Variants in ZMYM2 observed in about 807,000 individuals in gnomAD.
The protein encoded by ZMYM2 is zinc finger MYM-type containing 2.
A neutral mutation model predicts 162.8 loss-of-function variants in ZMYM2; 56 were observed. The ratio of observed to expected loss-of-function variants is 0.34; its 90% CI spans 0.28 to 0.43. The LOEUF (loss-of-function observed/expected upper bound fraction) is 0.43, where lower values mean the gene tolerates loss of function less well. ZMYM2 is among the 20% of genes least tolerant of loss of function. The pLI is 1.00. For missense variants in ZMYM2, 1,275 were observed against 1,621.8 expected, an observed-to-expected ratio of 0.79 and a Z score of 3.67; for synonymous variants, 510 against 541.6, an observed-to-expected ratio of 0.94 and a Z score of 0.81.
chr13:19,932,657 AG>A, the ZMYM2 span, among the ~76,000 whole-genome samples: 1 of 151,944 alleles, frequency 6.6e-6, no homozygotes, highest in Non-Finnish European at 1.5e-5. Flanking sequence ...AAAAAAAAAA[AG>A]AATAGACACC....
intron 12 of ZMYM2, among the ~76,000 whole-genome samples, chr13:20,044,879 G>A (rs572037189): frequency 1.3e-5 from 2 of 151,548 alleles, no homozygotes; most frequent in Non-Finnish European, 2.9e-5. Context: ...GTAAAACCCC[G>A]TCTCTACTAA....
the ZMYM2 span, among the ~76,000 whole-genome samples, chr13:19,876,558 AG>A: frequency 6.6e-6 from 1 of 150,462 alleles, no homozygotes; most frequent in Admixed American, 6.6e-5. Flanking sequence ...CCTGACCTCA[AG>A]TGATCTGCCT....
At chr13:19,901,683 G>C in the ZMYM2 span, among the ~76,000 whole-genome samples, 9 of 152,168 alleles carry the variant, frequency 5.9e-5, no homozygotes, top group South Asian at 1.7e-3. Flanking sequence ...CACCATCTTG[G>C]CCAGGCTGGT....
intron 2 of ZMYM2, among the ~76,000 whole-genome samples, chr13:19,974,859 C>T (rs987140972): frequency 6.6e-6 from 1 of 152,098 alleles, no homozygotes; most frequent in Non-Finnish European, 1.5e-5. Flanking sequence ...TAGTTGCCCT[C>T]TATAGAGACT....
At chr13:19,949,523 G>A in the ZMYM2 span, among the ~76,000 whole-genome samples, 1 of 152,182 alleles carries the variant, frequency 6.6e-6, no homozygotes, top group South Asian at 2.1e-4. Context: ...AGCCCAGGAG[G>A]TGGAGGCTGC....
At chr13:20,022,345 T>G (rs1466003764) in intron 7 of ZMYM2, among the ~76,000 whole-genome samples, 1 of 152,198 alleles carries the variant, frequency 6.6e-6, no homozygotes, top group Non-Finnish European at 1.5e-5. Context: ...GTAATGCATT[T>G]TTGGCATGAA....
intron 17 of ZMYM2, 64 bp downstream of exon 17, chr13:20,061,288 A>G (rs1956210618): frequency 1.3e-6 from 2 of 1,547,462 alleles, no homozygotes; most frequent in Non-Finnish European, 8.8e-7. Context: ...AAGTATTGTT[A>G]CAGTACTTTC....
upstream of ZMYM2, among the ~76,000 whole-genome samples, chr13:19,955,317 G>A (rs916193254): frequency 2.0e-5 from 3 of 152,020 alleles, no homozygotes; most frequent in African/African-American, 7.3e-5. Flanking sequence ...TGAGGTGCAA[G>A]GTGCAAGTTT....
At chr13:19,891,904 T>G in the ZMYM2 span, among the ~76,000 whole-genome samples, 1 of 152,072 alleles carries the variant, frequency 6.6e-6, no homozygotes, top group Non-Finnish European at 1.5e-5. Flanking sequence ...TTTGTATAAA[T>G]CCAGGTTTCT....
the ZMYM2 span, among the ~76,000 whole-genome samples, chr13:19,919,031 T>G: frequency 6.6e-6 from 1 of 152,174 alleles, no homozygotes; most frequent in African/African-American, 2.4e-5. Context: ...CTCTACCGCC[T>G]TTCCCTAATT....
chr13:19,973,351 A>G (rs1489588612), intron 2 of ZMYM2, among the ~76,000 whole-genome samples: 1 of 152,112 alleles, frequency 6.6e-6, no homozygotes, highest in East Asian at 1.9e-4. Context: ...AGTATGCAAG[A>G]CTTTAATGAA....
At chr13:19,933,058 C>T in the ZMYM2 span, among the ~76,000 whole-genome samples, 1 of 152,178 alleles carries the variant, frequency 6.6e-6, no homozygotes, top group Non-Finnish European at 1.5e-5. Flanking sequence ...AAGTGATCCT[C>T]CTGCCTCAGA....
chr13:19,916,796 G>A, the ZMYM2 span, among the ~76,000 whole-genome samples: 1 of 151,978 alleles, frequency 6.6e-6, no homozygotes, highest in Non-Finnish European at 1.5e-5. Context: ...AACCAACAGG[G>A]CGCATGTATA....
At chr13:19,899,098 G>A in the ZMYM2 span, among the ~76,000 whole-genome samples, 5 of 151,940 alleles carry the variant, frequency 3.3e-5, no homozygotes, top group Non-Finnish European at 5.9e-5. Flanking sequence ...GATTACAGGC[G>A]CGTGCCACCA....
At chr13:20,057,719 G>A (rs1283677006) in intron 14 of ZMYM2, among the ~76,000 whole-genome samples, 1 of 152,118 alleles carries the variant, frequency 6.6e-6, no homozygotes, top group Non-Finnish European at 1.5e-5. Context: ...ATGAAGTATC[G>A]TTAACAAAAT....
At chr13:20,053,809 C>G (rs1484411288) in intron 14 of ZMYM2, among the ~76,000 whole-genome samples, 1 of 152,130 alleles carries the variant, frequency 6.6e-6, no homozygotes, top group East Asian at 1.9e-4. Flanking sequence ...AGTAAGAATA[C>G]TTTTTCCATA....
the ZMYM2 span, among the ~76,000 whole-genome samples, chr13:19,872,213 G>C: frequency 6.6e-6 from 1 of 151,450 alleles, no homozygotes; most frequent in East Asian, 1.9e-4. Context: ...CTGAACTCAA[G>C]TGATCCACAG....
the ZMYM2 span, among the ~76,000 whole-genome samples, chr13:19,885,872 TGTATATACAC>T: frequency 3.3e-3 from 342 of 103,098 alleles, 72 homozygotes; most frequent in African/African-American, 0.011. Flanking sequence ...AATATATATA[TGTATATACAC>T]ATATATATGT....
intron 21 of ZMYM2, among the ~76,000 whole-genome samples, chr13:20,071,258 A>G (rs1446910042): frequency 6.6e-6 from 1 of 152,152 alleles, no homozygotes; most frequent in African/African-American, 2.4e-5. Flanking sequence ...ATTTTTTAGT[A>G]CAAGTCTTTG....
Sources: gnomAD v4.1 joint callset for allele counts (sites outside exome capture counted in the v4.1 genomes callset) on GRCh38, gnomAD v4.1.1 for gene constraint, MANE v1.5 for transcripts, NCBI Gene and HGNC (gene_info 2026-07-23, HGNC 2026-07-21) for gene names.